SIRT3: variants seen among roughly 807,000 people sequenced by gnomAD.
SIRT3 encodes the protein NAD-dependent protein deacetylase sirtuin-3, mitochondrial.
Under a neutral mutation model 33.5 loss-of-function variants are expected in SIRT3, and 26 were observed. The ratio of observed to expected loss-of-function variants is 0.78; its 90% CI spans 0.57 to 1.08. The LOEUF (loss-of-function observed/expected upper bound fraction) is 1.08. Ranked by LOEUF, SIRT3 falls within the 50% of genes least tolerant of loss-of-function variation. The probability of loss-of-function intolerance (pLI) is 0.00; values close to 1 mark genes in which losing one functional copy is unlikely to be tolerated. For synonymous variants in SIRT3, 237 were observed against 222.1 expected, an observed-to-expected ratio of 1.07 and a Z score of -0.60; for missense variants, 585 against 530.1, an observed-to-expected ratio of 1.10 and a Z score of -1.02.
rs1855632779 is a variant in SIRT3 at position 216,238 on chromosome 11, A to T, written c.*460T>A. 1 of 160,692 alleles carries T rather than the reference A, an allele frequency of 6.2e-6. No individual in the cohort carries two copies. Among genetic ancestry groups the T allele is most frequent in the Non-Finnish European group, 1.4e-5 (1 of 73,500 alleles). 10.0% of individuals were successfully genotyped at this position (160,692 alleles called of 1,614,324 possible). On this transcript the variant is annotated 3_prime_UTR_variant, in exon 7 of 7. Transcript: ENST00000382743. The stretch of plus-strand genomic sequence containing the variant: ...GAGACCAACATGCTAGAAGTGCGGC[A>T]CCAGGGCCTCAAGACTACACTTCGG...
In SIRT3 at chr11:236,147, A is replaced by C. The variant is rs201665713; in HGVS notation, c.182T>G (p.Leu61Trp). The C allele has an allele frequency of 3.2e-6, 5 of 1,572,308 alleles. No homozygotes were observed. The highest frequency in any genetic ancestry group is 4.3e-6 in the Non-Finnish European group (5 of 1,160,422). The part of the protein sequence containing the change: ...RGSHGARGEP[L>W]DPARPLQRPP... ...CCTCTGCAAGGGGCGCGCCGGGTCC[A>C]AGGGCTCACCGCGGGCCCCATGGCT... The change falls in exon 1 of 7, where the codon TTG becomes TGG. Residue 61 changes from leucine to tryptophan, a missense_variant. Transcript: ENST00000382743.
chr11:220,520 A>G (rs1224382537), intron 5 of SIRT3, among the ~76,000 whole-genome samples: 1 of 152,176 alleles, frequency 6.6e-6, no homozygotes, highest in Non-Finnish European at 1.5e-5. Flanking sequence ...GAAAAGATGA[A>G]CTTCATTCTT....
intron 1 of SIRT3, among the ~76,000 whole-genome samples, chr11:234,350 A>G (rs188315815): frequency 1.4e-3 from 219 of 152,240 alleles, no homozygotes; most frequent in Non-Finnish European, 2.4e-3. Context: ...GCAATGGACT[A>G]CTCCTCACAC....
In SIRT3 at chr11:233,344, T is replaced by C. The variant is rs768153460; in HGVS notation, c.472A>G (p.Arg158Gly). The C allele has an allele frequency of 6.2e-7, 1 of 1,613,366 alleles. No homozygotes were observed. Among genetic ancestry groups the C allele is most frequent in the East Asian group, 2.2e-5 (1 of 44,862 alleles). Residue 158 changes from arginine (R) to glycine (G), a missense_variant and splice_region_variant, in exon 2 of 7, where the codon AGA becomes GGA. Transcript: ENST00000382743. ...GGCAGGTGGGACTGTGGGCAGTACC[T>C]GAAGTCTGGAATGCCACTGGGTGTG... ...ISTPSGIPDF[R>G]SPGSGLYSNL...
chr11:234,605 C>G (rs559764012), intron 1 of SIRT3, among the ~76,000 whole-genome samples: 2 of 151,862 alleles, frequency 1.3e-5, no homozygotes, highest in African/African-American at 4.8e-5. Flanking sequence ...TTAGTAAAGA[C>G]GGGGTTTCAC....
At chr11:229,151 G>A (rs1857555272) in intron 4 of SIRT3, among the ~76,000 whole-genome samples, 1 of 152,168 alleles carries the variant, frequency 6.6e-6, no homozygotes, top group Non-Finnish European at 1.5e-5. Context: ...CAGTATATTC[G>A]TTCCTCAAAA....
intron 3 of SIRT3, among the ~76,000 whole-genome samples, chr11:231,260 G>A (rs1857959091): frequency 6.6e-6 from 1 of 152,146 alleles, no homozygotes; most frequent in Admixed American, 6.5e-5. Flanking sequence ...GCAACATAGT[G>A]AGACTTGTCT....
chr11:227,709 T>A (rs182380474), intron 4 of SIRT3, among the ~76,000 whole-genome samples: 26 of 151,988 alleles, frequency 1.7e-4, no homozygotes, highest in Non-Finnish European at 2.9e-4. Flanking sequence ...CACAGCAACC[T>A]CCCCTCCCAG....
chr11:233,110 GAAA>G lies in SIRT3; in HGVS notation c.576_578del (p.Phe193del). ...CAGGGTACAGCTCCTTGGCCAAAGT[GAAA>G]AAGGGCTTGGGGTTGTGAAAGAAGA... On this transcript the variant is annotated inframe_deletion, in exon 3 of 7. Transcript: ENST00000382743. 1 of 1,614,130 alleles carries G rather than the reference GAAA, an allele frequency of 6.2e-7. No individual in the cohort carries two copies.
upstream of SIRT3, chr11:236,870 GT>G (rs1410598697): frequency 3.2e-6 from 2 of 616,620 alleles, no homozygotes; most frequent in African/African-American, 3.7e-5. Context: ...GGAGAGTTTT[GT>G]CCGGAGCGCA....
intron 1 of SIRT3, among the ~76,000 whole-genome samples, chr11:234,403 T>TTTG (rs61632362): frequency 0.16 from 23,682 of 151,380 alleles, 2,334 homozygotes; most frequent in Middle Eastern, 0.21. Context: ...GTAGCAAGGA[T>TTTG]TTTTGTTTTG....
At chr11:236,371 C>CGGCGCCCCGCCCGT, upstream of SIRT3, 4 of 1,088,244 alleles carry the variant, frequency 3.7e-6, no homozygotes, top group Non-Finnish European at 4.4e-6. Context: ...GCCCCGCCCC[C>CGGCGCCCCGCCCGT]GGCGCCCCGG....
At chr11:220,568 A>G (rs1404188940) in intron 5 of SIRT3, among the ~76,000 whole-genome samples, 1 of 152,182 alleles carries the variant, frequency 6.6e-6, no homozygotes, top group Non-Finnish European at 1.5e-5. Context: ...CCCTCCACAC[A>G]CACACATGCA....
rs905905775 is a variant in SIRT3, at chr11:216,515, C to T, written c.*183G>A. ...GACGGGGTGGCCCTGACTGTAAACA[C>T]AGCCCTACCAGTCACTGCAGCTCAT... On this transcript the variant is annotated 3_prime_UTR_variant, in exon 7 of 7. Coordinates refer to ENST00000382743, the MANE Select transcript of SIRT3 (RefSeq NM_012239.6). 3.0e-6 allele frequency: 2 copies of T among 656,434 alleles called. No homozygotes were observed. The highest frequency in any genetic ancestry group is 1.8e-5 in the African/African-American group (1 of 55,402). 40.7% of individuals were successfully genotyped at this position (656,434 alleles called of 1,614,324 possible).
At position 230,454 on chromosome 11, in the gene SIRT3, G is replaced by C; in HGVS notation, c.805C>G (p.Arg269Gly). The C allele has an allele frequency of 6.9e-7, 1 of 1,449,006 alleles. No individual in the cohort carries two copies. The highest frequency in any genetic ancestry group is 1.8e-4 in the Middle Eastern group (1 of 5,490). 89.8% of individuals were successfully genotyped at this position (1,449,006 alleles called of 1,614,324 possible). A position where few individuals can be genotyped will look rare whatever the true frequency, so the allele number is the denominator to read the frequency against. Residue 269 changes from arginine to glycine, a missense_variant and splice_region_variant, in exon 4 of 7, where the codon CGG becomes GGG. Coordinates refer to ENST00000382743, the MANE Select transcript of SIRT3 (RefSeq NM_012239.6). ...CAACCAACAGCAGGATAACTCACCC[G>C]AATGTCCTCCCCTGGGAAGGGTCTT... is the stretch of plus-strand genomic sequence containing the variant. The part of the protein sequence containing the change: ...CQRPFPGEDI[R>G]ADVMADRVPR...
rs1217442414 is a variant in SIRT3, at chr11:223,452, T to C, written c.969+626A>G. 3.6e-6 allele frequency: 1 copy of C among 276,792 alleles called. No homozygotes were observed. Among genetic ancestry groups the C allele is most frequent in the Non-Finnish European group, 7.2e-6 (1 of 138,580 alleles). 17.1% of individuals were successfully genotyped at this position (276,792 alleles called of 1,614,324 possible). A position where few individuals can be genotyped will look rare whatever the true frequency, so the allele number is the denominator to read the frequency against. On this transcript the variant is annotated intron_variant, in intron 5 of 6. Coordinates refer to ENST00000382743, the MANE Select transcript of SIRT3 (RefSeq NM_012239.6). The surrounding 1 kb of genome is among the most constrained non-coding windows in gnomAD (Gnocchi z 4.8). ...AGCTCCACCTTCTCCAGGACCAGCC[T>C]CCTGGCACTGCTTGCTCCACTCTCC...
Position 230,432 on chromosome 11 carries a change from C to G in SIRT3, c.807+20G>C. 7.2e-7 allele frequency: 1 copy of G among 1,392,144 alleles called. No homozygotes were observed. The highest frequency in any genetic ancestry group is 1.7e-5 in the South Asian group (1 of 57,472). The allele number at this position is 1,392,144 out of a possible 1,614,324, so 86.2% of individuals were successfully genotyped here. On this transcript the variant is annotated intron_variant, in intron 4 of 6. Transcript: ENST00000382743. ...CCAACAGCAAACTGCAGAAGGACAA[C>G]CAACAGCAGGATAACTCACCCGAAT...
chr11:223,773 C>G lies in SIRT3; in HGVS notation c.969+305G>C, dbSNP rs761235190. ...ATCCATTCACCTTCCCAAAGTGGCA[C>G]CAGCCCTGGAAGGGCCCATGAGATG... On this transcript the variant is annotated intron_variant, in intron 5 of 6. Coordinates refer to ENST00000382743, the MANE Select transcript of SIRT3 (RefSeq NM_012239.6). This position sits in a 1 kb window ranked among gnomAD's most constrained non-coding sequence, Gnocchi z 4.8. 2 of 1,088,210 alleles carry G rather than the reference C, an allele frequency of 1.8e-6. No individual in the cohort carries two copies. Among genetic ancestry groups the G allele is most frequent in the South Asian group, 2.6e-5 (2 of 77,486 alleles). 67.4% of individuals were successfully genotyped at this position (1,088,210 alleles called of 1,614,324 possible). A position where few individuals can be genotyped will look rare whatever the true frequency, so the allele number is the denominator to read the frequency against.
At chr11:235,861 G>A (rs1354423214) in intron 1 of SIRT3, among the ~76,000 whole-genome samples, 187 bp downstream of exon 1, 2 of 152,196 alleles carry the variant, frequency 1.3e-5, no homozygotes, top group South Asian at 2.1e-4. Context: ...TTCAATGAGG[G>A]AATGGTGAAA....
Sources: gnomAD v4.1 joint callset for allele counts (sites outside exome capture counted in the v4.1 genomes callset) on GRCh38, gnomAD v4.1.1 for gene constraint, Gnocchi (gnomAD v3.1) non-coding constraint, MANE v1.5 for transcripts, NCBI Gene and HGNC (gene_info 2026-07-23, HGNC 2026-07-21) for gene names.